The following NECAP2 variants were observed in gnomAD, a reference collection of about 807,000 sequenced individuals.
NECAP2 encodes NECAP endocytosis associated 2, also known as adaptin ear-binding coat-associated protein 2.
In NECAP2, 38 loss-of-function variants were observed where a neutral mutation model predicts 37.8. The observed-to-expected ratio is 1.01, with a 90% CI of 0.78 to 1.32. NECAP2 has a LOEUF of 1.32. Among genes scored for constraint, NECAP2 ranks in the 40% most tolerant of loss-of-function variants. The probability of loss-of-function intolerance (pLI) is 0.00; values close to 1 mark genes in which losing one functional copy is unlikely to be tolerated. For synonymous variants in NECAP2, 121 were observed against 127.7 expected, an observed-to-expected ratio of 0.95 and a Z score of 0.35; for missense variants, 316 against 334.5, an observed-to-expected ratio of 0.94 and a Z score of 0.43.
At chr1:16,455,722 G>C in intron 6 of NECAP2, 96 bp from the exon 7 acceptor site, 1 of 944,860 alleles carries the variant, frequency 1.1e-6, no homozygotes, top group Non-Finnish European at 1.7e-6. Context: ...ACTGATCACT[G>C]AGTCTCATGA....
chr1:16,441,732 A>G (rs1321482592), intron 1 of NECAP2: 1 of 152,116 alleles, frequency 6.6e-6, no homozygotes. Flanking sequence ...GAAATACAGG[A>G]TTGGTCTGCA....
At chr1:16,446,565 C>CTT (rs80041434) in intron 2 of NECAP2, among the ~76,000 whole-genome samples, 1 of 145,114 alleles carries the variant, frequency 6.9e-6, no homozygotes, top group Non-Finnish European at 1.5e-5. Flanking sequence ...CTGTTTCTTT[C>CTT]TTTTTTTTTT....
At chr1:16,446,612 T>G (rs2100949957) in intron 2 of NECAP2, among the ~76,000 whole-genome samples, 1 of 151,812 alleles carries the variant, frequency 6.6e-6, no homozygotes, top group South Asian at 2.1e-4. Flanking sequence ...TGGCACAATC[T>G]CAGCTCACTG....
At chr1:16,450,446 C>T (rs1302388572) in intron 5 of NECAP2, 1 of 202,460 alleles carries the variant, frequency 4.9e-6, no homozygotes, top group African/African-American at 2.4e-5. Context: ...TCTTTGAGGT[C>T]TTTTGACTTC....
chr1:16,446,877 T>C (rs2100950439), intron 2 of NECAP2, among the ~76,000 whole-genome samples: 1 of 151,962 alleles, frequency 6.6e-6, no homozygotes, highest in African/African-American at 2.4e-5. Context: ...CTGGCCAACA[T>C]GGTGAAACAC....
intron 5 of NECAP2, chr1:16,450,270 TTTTTG>T (rs1310325238): frequency 2.4e-4 from 91 of 373,370 alleles, no homozygotes; most frequent in Admixed American, 2.1e-3. Context: ...TTTGTTTTGT[TTTTTG>T]TTTTGTTTTG....
rs1277364440 is a variant in NECAP2, at chr1:16,459,998, CA to C, written c.*1110del. 2 of 152,190 alleles carry C rather than the reference CA, an allele frequency of 1.3e-5. No homozygotes were observed. Among genetic ancestry groups the C allele is most frequent in the Admixed American group, 1.3e-4 (2 of 15,282 alleles). The allele number at this position is 152,190 out of a possible 1,614,324, so 9.4% of individuals were successfully genotyped here. A position where few individuals can be genotyped will look rare whatever the true frequency, so the allele number is the denominator to read the frequency against. ...TTGAAAGATTTCTTCTTTGAAAGGT[CA>C]AGACCGTGAACTGAAAAAAGTGTTG... On this transcript the variant is annotated 3_prime_UTR_variant, in exon 8 of 8. Transcript: ENST00000337132.
chr1:16,440,858 C>G lies in NECAP2; in HGVS notation c.92+5C>G. 4.3e-6 allele frequency: 7 copies of G among 1,611,486 alleles called. No individual in the cohort carries two copies. The highest frequency in any genetic ancestry group is 5.9e-6 in the Non-Finnish European group (7 of 1,177,552). On this transcript the variant is annotated splice_donor_5th_base_variant and intron_variant, in intron 1 of 7. Coordinates refer to ENST00000337132, the MANE Select transcript of NECAP2 (RefSeq NM_018090.5). The stretch of plus-strand genomic sequence containing the variant: ...GGCTACCAACCGTGGCTACAGGTGA[C>G]TACCCACCGCCAGACCAGGCTAGCT...
chr1:16,449,016 A>C, intron 4 of NECAP2, 77 bp from the exon 5 acceptor site: 1 of 893,912 alleles, frequency 1.1e-6, no homozygotes, highest in Non-Finnish European at 1.8e-6. Context: ...GATAGCAGGC[A>C]GTAGTGAAGT....
rs748167101 is a variant in NECAP2 at position 16,451,932 on chromosome 1, A to G, written c.584A>G (p.Lys195Arg). Reference protein sequence around the residue: ...LSLLPPPPGGKTSTLIPPPGE... With the variant: ...LSLLPPPPGGRTSTLIPPPGE... ...CTGCTTCCCCCTCCCCCAGGGGGGA[A>G]AACCTCCACCCTGATCCCTCCCCCT... Residue 195 changes from lysine to arginine, a missense_variant, in exon 6 of 8, where the codon AAA (lysine) becomes AGA (arginine). By Grantham distance (26) the Lys-to-Arg change is conservative. This residue lies in a region of NECAP2 where 204 missense variants were observed against 188.6 expected (regional missense o/e 1.08). Transcript: ENST00000337132. The G allele has an allele frequency of 6.2e-7, 1 of 1,613,908 alleles. No homozygotes were observed. The highest frequency in any genetic ancestry group is 2.2e-5 in the East Asian group (1 of 44,852).
intron 6 of NECAP2, among the ~76,000 whole-genome samples, chr1:16,454,739 A>G (rs1028572818): frequency 6.6e-6 from 1 of 152,236 alleles, no homozygotes; most frequent in Admixed American, 6.5e-5. Context: ...TACTTAAAAT[A>G]TAAGTTTCTT....
Position 16,449,155 on chromosome 1 carries a change from T to C in NECAP2, c.443T>C (p.Leu148Pro). ...CAGAACCCAGACCAAGGCCCTAAACTGGACCTGGGCTTCAAGGAGGGCCAG... is the reference window on the plus strand; with the variant it reads ...CAGAACCCAGACCAAGGCCCTAAACCGGACCTGGGCTTCAAGGAGGGCCAG... Reference protein sequence around the residue: ...QAQNPDQGPKLDLGFKEGQTI... With the variant: ...QAQNPDQGPKPDLGFKEGQTI... Residue 148 changes from leucine (L) to proline (P), a missense_variant, in exon 5 of 8, where the codon CTG (leucine) becomes CCG (proline). By Grantham distance (98) the Leu-to-Pro change is moderately conservative. Transcript: ENST00000337132. The C allele has an allele frequency of 6.2e-7, 1 of 1,613,408 alleles. No homozygotes were observed. The highest frequency in any genetic ancestry group is 8.5e-7 in the Non-Finnish European group (1 of 1,179,712).
At chr1:16,449,233 G>T in intron 5 of NECAP2, 32 bp downstream of exon 5, 1 of 1,485,332 alleles carries the variant, frequency 6.7e-7, no homozygotes, top group East Asian at 2.3e-5. Flanking sequence ...CTGTGGTGAC[G>T]TGATACTTGT....
chr1:16,450,091 G>C (rs749056527), intron 5 of NECAP2: 9 of 423,814 alleles, frequency 2.1e-5, no homozygotes, highest in Non-Finnish European at 3.8e-5. Context: ...CCTCTTTTCT[G>C]CTTCGTGCTG....
chr1:16,453,627 T>C (rs1037530858), intron 6 of NECAP2, among the ~76,000 whole-genome samples: 1 of 152,076 alleles, frequency 6.6e-6, no homozygotes, highest in Non-Finnish European at 1.5e-5. Flanking sequence ...TAGCTGAGAT[T>C]ACAGGCACGC....
In NECAP2 at chr1:16,458,982, G is replaced by T; in HGVS notation, c.*92G>T. ...GGACGAAGCCCTCCTCAGCTGGCCT[G>T]TGTTTGGGGCATGAATCTCTCCTCT... On this transcript the variant is annotated 3_prime_UTR_variant, in exon 8 of 8. Transcript: ENST00000337132. 6.2e-7 allele frequency: 1 copy of T among 1,606,318 alleles called. No homozygotes were observed. Among genetic ancestry groups the T allele is most frequent in the Non-Finnish European group, 8.5e-7 (1 of 1,176,564 alleles).
At position 16,459,407 on chromosome 1, in the gene NECAP2, A is replaced by G. The variant is rs1570280586; in HGVS notation, c.*517A>G. ...GTTTAGAGGCTGCAGCTTGAGCTAC[A>G]ATCAGGAGGGAAATTGGAAGGATTA... On this transcript the variant is annotated 3_prime_UTR_variant, in exon 8 of 8. Coordinates refer to ENST00000337132, the MANE Select transcript of NECAP2 (RefSeq NM_018090.5). 6.5e-6 allele frequency: 1 copy of G among 153,968 alleles called. No homozygotes were observed. The highest frequency in any genetic ancestry group is 2.4e-5 in the African/African-American group (1 of 41,476). The allele number at this position is 153,968 out of a possible 1,614,324, so 9.5% of individuals were successfully genotyped here. A position where few individuals can be genotyped will look rare whatever the true frequency, so the allele number is the denominator to read the frequency against.
At position 16,455,824 on chromosome 1, in the gene NECAP2, C is replaced by T. The variant is rs762596806; in HGVS notation, c.674C>T (p.Ala225Val). 6.2e-7 allele frequency: 1 copy of T among 1,613,790 alleles called. No individual in the cohort carries two copies. ...GACTCGGGAACATCAATAGGAGGTG[C>T]TCCTGTACCCTGGCCACAGCCCAAT... ...QPAVAPSSGG[A>V]PVPWPQPNPA... Residue 225 changes from alanine (A) to valine (V), a missense_variant, in exon 7 of 8, where the codon GCT becomes GTT. Ala to Val is a moderately conservative substitution (Grantham distance 64). This residue lies in a region of NECAP2 where 204 missense variants were observed against 188.6 expected (regional missense o/e 1.08). Transcript: ENST00000337132.
At chr1:16,445,918 A>C (rs1376420679) in intron 2 of NECAP2, among the ~76,000 whole-genome samples, 2 of 151,496 alleles carry the variant, frequency 1.3e-5, no homozygotes, top group East Asian at 3.9e-4. Context: ...AAAAGAAAAC[A>C]AAAAAAAGGC....
Sources: allele counts gnomAD v4.1 joint callset (sites outside exome capture counted in the v4.1 genomes callset), GRCh38; gene constraint gnomAD v4.1.1; regional missense constraint gnomAD v4.1.1; transcripts MANE v1.5; gene names NCBI Gene and HGNC (gene_info 2026-07-23, HGNC 2026-07-21).